SLC4A10: variants seen among roughly 807,000 people sequenced by gnomAD.
SLC4A10 encodes the protein solute carrier family 4 member 10.
In SLC4A10, 42 loss-of-function variants were observed where a neutral mutation model predicts 137.7. That is an observed-to-expected ratio of 0.30 (90% confidence interval 0.24 to 0.39). The LOEUF (loss-of-function observed/expected upper bound fraction) is 0.39, where lower values mean the gene tolerates loss of function less well. SLC4A10 is among the 10% of genes least tolerant of loss of function. The pLI is 1.00. For synonymous variants in SLC4A10, 474 were observed against 464.1 expected (o/e 1.02, Z -0.27); for missense variants, 925 against 1,355.0 (o/e 0.68, Z 4.98).
intron 9 of SLC4A10, among the ~76,000 whole-genome samples, chr2:161,880,879 G>A (rs1383032439): frequency 6.6e-6 from 1 of 152,018 alleles, no homozygotes; most frequent in African/African-American, 2.4e-5. Flanking sequence ...TATTTCAAAA[G>A]AAGGAAAAGA....
intron 1 of SLC4A10, among the ~76,000 whole-genome samples, chr2:161,701,212 T>G (rs1436256780): frequency 6.6e-6 from 1 of 152,034 alleles, no homozygotes; most frequent in African/African-American, 2.4e-5. Flanking sequence ...ATATGAGTCC[T>G]TTTGACAAAT....
chr2:161,794,818 C>T (rs1275255664), intron 2 of SLC4A10, among the ~76,000 whole-genome samples: 1 of 152,040 alleles, frequency 6.6e-6, no homozygotes, highest in Non-Finnish European at 1.5e-5. Context: ...TTTTATACCA[C>T]TGAGGTGTTT....
chr2:161,761,094 C>T (rs1324145989), intron 1 of SLC4A10, among the ~76,000 whole-genome samples: 1 of 151,974 alleles, frequency 6.6e-6, no homozygotes, highest in Non-Finnish European at 1.5e-5. Flanking sequence ...TCACTCAAGA[C>T]AGAGAGATTA....
chr2:161,890,966 A>G (rs1482832946), intron 10 of SLC4A10, among the ~76,000 whole-genome samples: 8 of 152,072 alleles, frequency 5.3e-5, no homozygotes, highest in African/African-American at 1.9e-4. Context: ...TGCTTCCTTC[A>G]GGAGCTCTTG....
At chr2:161,829,473 T>C (rs1221632308) in intron 3 of SLC4A10, among the ~76,000 whole-genome samples, 1 of 152,188 alleles carries the variant, frequency 6.6e-6, no homozygotes, top group Admixed American at 6.5e-5. Flanking sequence ...CTTGCCATCA[T>C]TTAATTAATT....
intron 6 of SLC4A10, among the ~76,000 whole-genome samples, chr2:161,871,460 C>T (rs972715992): frequency 6.6e-6 from 1 of 151,910 alleles, no homozygotes; most frequent in African/African-American, 2.4e-5. Context: ...GAACAAATTT[C>T]ATATGACTTA....
chr2:161,760,449 A>C (rs2050142298), intron 1 of SLC4A10, among the ~76,000 whole-genome samples: 1 of 152,034 alleles, frequency 6.6e-6, no homozygotes, highest in African/African-American at 2.4e-5. Flanking sequence ...CCAGGGTTTG[A>C]GAGAAGTTTT....
chr2:161,770,605 T>C (rs2051468948), intron 1 of SLC4A10, among the ~76,000 whole-genome samples: 1 of 151,940 alleles, frequency 6.6e-6, no homozygotes, highest in South Asian at 2.1e-4. Flanking sequence ...TTTCATATTT[T>C]CCTTGCATAG....
chr2:161,746,262 T>C (rs967571590), intron 1 of SLC4A10, among the ~76,000 whole-genome samples: 1 of 152,018 alleles, frequency 6.6e-6, no homozygotes, highest in South Asian at 2.1e-4. Context: ...TCCCTGGTGA[T>C]TTATTTTACT....
chr2:161,660,592 C>CT (rs771220950), intron 1 of SLC4A10, among the ~76,000 whole-genome samples: 1,598 of 118,878 alleles, frequency 0.013, 19 homozygotes, highest in Non-Finnish European at 0.026. Flanking sequence ...TTCTTTCTTT[C>CT]TTTCTTTCTT....
chr2:161,849,094 A>G (rs1469644861), intron 4 of SLC4A10, among the ~76,000 whole-genome samples: 1 of 152,066 alleles, frequency 6.6e-6, no homozygotes, highest in Admixed American at 6.6e-5. Flanking sequence ...AGTGTCTTGT[A>G]ATTCTCGTTG....
chr2:161,762,126 A>G (rs2050311416), intron 1 of SLC4A10, among the ~76,000 whole-genome samples: 1 of 152,130 alleles, frequency 6.6e-6, no homozygotes, highest in Non-Finnish European at 1.5e-5. Context: ...TAATAAAAAT[A>G]TGTAAGGAAA....
intron 22 of SLC4A10, 67 bp downstream of exon 22, chr2:161,964,375 C>T: frequency 2.7e-6 from 4 of 1,493,188 alleles, no homozygotes; most frequent in Non-Finnish European, 3.7e-6. Flanking sequence ...AACATAAACA[C>T]ATGAATTGAA....
chr2:161,920,863 A>G (rs1207323421), intron 15 of SLC4A10, among the ~76,000 whole-genome samples: 1 of 152,214 alleles, frequency 6.6e-6, no homozygotes, highest in Non-Finnish European at 1.5e-5. Flanking sequence ...ACATCCATTG[A>G]TCTTCCTTGT....
At chr2:161,642,539 T>C (rs1487780749) in intron 1 of SLC4A10, among the ~76,000 whole-genome samples, 1 of 152,016 alleles carries the variant, frequency 6.6e-6, no homozygotes, top group African/African-American at 2.4e-5. Flanking sequence ...GCAATTGAAA[T>C]TTAGAACAAG....
At chr2:161,873,127 A>C (rs1002437240) in intron 7 of SLC4A10, among the ~76,000 whole-genome samples, 2 of 152,222 alleles carry the variant, frequency 1.3e-5, no homozygotes, top group Non-Finnish European at 2.9e-5. Context: ...TAATTAAGGA[A>C]AAGTCATTAC....
At chr2:161,725,013 G>A (rs1277681887) in intron 1 of SLC4A10, among the ~76,000 whole-genome samples, 1 of 152,048 alleles carries the variant, frequency 6.6e-6, no homozygotes, top group Non-Finnish European at 1.5e-5. Context: ...AACTTATATG[G>A]TGCTTGGCAC....
At chr2:161,920,451 G>A (rs1353981897) in intron 15 of SLC4A10, among the ~76,000 whole-genome samples, 4 of 152,190 alleles carry the variant, frequency 2.6e-5, no homozygotes, top group Non-Finnish European at 5.9e-5. Flanking sequence ...AAGTCTGGAA[G>A]TATTGTATTA....
chr2:161,934,117 G>A lies in SLC4A10; in HGVS notation c.1998-8675G>A, dbSNP rs2105677114. 2.0e-5 allele frequency among the ~76,000 whole-genome samples: 3 copies of A among 152,286 alleles called. No individual in the cohort carries two copies. The South Asian group carries it at 6.2e-4, about 32-fold the overall frequency. On this transcript the variant is annotated intron_variant, in intron 15 of 26. Transcript: ENST00000446997. The stretch of plus-strand genomic sequence containing the variant: ...GTGTAATGATCACATCAGAGTAAAT[G>A]AGATATCCATTACCTCAAGCGTTTG...
Sources: gnomAD v4.1 joint callset for allele counts (sites outside exome capture counted in the v4.1 genomes callset) on GRCh38, gnomAD v4.1.1 for gene constraint, MANE v1.5 for transcripts, NCBI Gene and HGNC (gene_info 2026-07-23, HGNC 2026-07-21) for gene names.